Variants in RBFOX1 observed in about 807,000 individuals in gnomAD.
RBFOX1 encodes RNA binding protein fox-1 homolog 1.
In RBFOX1, 8 loss-of-function variants were observed where a neutral mutation model predicts 57.7. The ratio of observed to expected loss-of-function variants is 0.14; its 90% CI spans 0.08 to 0.25. RBFOX1 has a LOEUF of 0.25. Ranked by LOEUF, RBFOX1 falls within the 10% of genes least tolerant of loss-of-function variation. RBFOX1 has a pLI of 1.00. For missense variants in RBFOX1, 611 were observed against 548.5 expected (o/e 1.11, Z -1.14); for synonymous variants, 326 against 222.4 (o/e 1.47, Z -4.15).
chr16:7,405,631 T>C (rs1198118121), intron 4 of RBFOX1, among the ~76,000 whole-genome samples: 1 of 152,130 alleles, frequency 6.6e-6, no homozygotes, highest in Non-Finnish European at 1.5e-5. Context: ...CATTGTTATA[T>C]TGGAGGAATC....
At chr16:7,500,127 G>A (rs946459013) in intron 4 of RBFOX1, among the ~76,000 whole-genome samples, 1 of 152,102 alleles carries the variant, frequency 6.6e-6, no homozygotes, top group Non-Finnish European at 1.5e-5. Flanking sequence ...CTTAGCTACG[G>A]AAGAATAATA....
At chr16:5,437,784 A>C (rs1466661173) in intron 1 of RBFOX1, among the ~76,000 whole-genome samples, 1 of 152,162 alleles carries the variant, frequency 6.6e-6, no homozygotes, top group African/African-American at 2.4e-5. Context: ...TATTTCTTAT[A>C]CTCTGTATTT....
chr16:5,554,521 AT>A (rs113556875), intron 2 of RBFOX1, among the ~76,000 whole-genome samples: 7,431 of 152,216 alleles, frequency 0.049, 199 homozygotes, highest in East Asian at 0.1. Context: ...AAAGCTGACC[AT>A]TTTTACTTAA....
At chr16:7,619,833 G>A (rs915035253) in intron 10 of RBFOX1, among the ~76,000 whole-genome samples, 2 of 152,112 alleles carry the variant, frequency 1.3e-5, no homozygotes, top group Non-Finnish European at 2.9e-5. Flanking sequence ...ACATAAATAA[G>A]TGAAATGTGC....
chr16:6,376,756 C>G (rs1286737488), intron 2 of RBFOX1, among the ~76,000 whole-genome samples: 1 of 152,160 alleles, frequency 6.6e-6, no homozygotes, highest in Non-Finnish European at 1.5e-5. Flanking sequence ...TGTTTTCTTA[C>G]AGTGCTGGAG....
At chr16:5,902,125 C>T (rs1374958887) in intron 4 of RBFOX1, among the ~76,000 whole-genome samples, 2 of 152,074 alleles carry the variant, frequency 1.3e-5, no homozygotes, top group Non-Finnish European at 2.9e-5. Context: ...TGTCAATTAC[C>T]CATTATTGTT....
chr16:6,898,197 C>T (rs377390981), intron 3 of RBFOX1, among the ~76,000 whole-genome samples: 2 of 152,166 alleles, frequency 1.3e-5, no homozygotes, highest in South Asian at 2.1e-4. Flanking sequence ...GCTTACAGTC[C>T]ATTGTGGAGT....
At chr16:6,974,687 G>C (rs1185127553) in intron 3 of RBFOX1, among the ~76,000 whole-genome samples, 2 of 152,018 alleles carry the variant, frequency 1.3e-5, no homozygotes, top group East Asian at 1.9e-4. Flanking sequence ...AGACCATCAG[G>C]AGGGTAGTAA....
At chr16:6,483,768 G>A in intron 2 of RBFOX1, 1 of 1,415,432 alleles carries the variant, frequency 7.1e-7, no homozygotes, top group African/African-American at 1.4e-5. Flanking sequence ...GTCAGCCGCT[G>A]TCCAACGTTA....
intron 3 of RBFOX1, among the ~76,000 whole-genome samples, chr16:6,952,525 C>G (rs535583195): frequency 4.6e-5 from 7 of 152,078 alleles, no homozygotes; most frequent in African/African-American, 1.7e-4. Flanking sequence ...GTAGTCCCAC[C>G]TACCTGGGAG....
At chr16:5,606,374 A>G (rs1322212514) in intron 3 of RBFOX1, among the ~76,000 whole-genome samples, 1 of 152,024 alleles carries the variant, frequency 6.6e-6, no homozygotes, top group African/African-American at 2.4e-5. Context: ...AGTCATCAGA[A>G]AAGCCTTGTT....
At chr16:6,943,540 C>G (rs571758263) in intron 3 of RBFOX1, among the ~76,000 whole-genome samples, 5 of 152,182 alleles carry the variant, frequency 3.3e-5, no homozygotes, top group African/African-American at 1.2e-4. Context: ...AACCCCATCT[C>G]TACTAAAAAT....
intron 2 of RBFOX1, among the ~76,000 whole-genome samples, chr16:6,434,811 T>C (rs1003960691): frequency 6.6e-6 from 1 of 151,868 alleles, no homozygotes; most frequent in Non-Finnish European, 1.5e-5. Flanking sequence ...TTCCAATGTA[T>C]TCTTCTCTTC....
At position 6,416,831 on chromosome 16, in the gene RBFOX1, A is replaced by T. The variant is rs2093637215; in HGVS notation, c.-64+99774A>T. Reference sequence around the variant, plus strand: ...CTGGTAATCACTGACTTAGAAACCAAATGTGCTGTCCTGAATTTTTAAGTA... The same window carrying T: ...CTGGTAATCACTGACTTAGAAACCATATGTGCTGTCCTGAATTTTTAAGTA... On this transcript the variant is annotated intron_variant, in intron 2 of 15. Coordinates refer to ENST00000550418, the MANE Select transcript of RBFOX1 (RefSeq NM_018723.4). Among the ~76,000 whole-genome samples, 2 of 152,138 alleles carry T rather than the reference A, an allele frequency of 1.3e-5. 1 individual carries two copies. Among genetic ancestry groups the T allele is most frequent in the South Asian group, 4.1e-4 (2 of 4,822 alleles).
chr16:6,577,842 A>G (rs565742881), intron 2 of RBFOX1, among the ~76,000 whole-genome samples: 1 of 152,346 alleles, frequency 6.6e-6, no homozygotes, highest in African/African-American at 2.4e-5. Context: ...CCAGATAGTG[A>G]AGCAGGAAGG....
At chr16:7,363,552 C>G (rs2097372086) in intron 4 of RBFOX1, among the ~76,000 whole-genome samples, 2 of 152,072 alleles carry the variant, frequency 1.3e-5, no homozygotes, top group African/African-American at 4.8e-5. Flanking sequence ...GGCAAAGTGC[C>G]TGGCATAAAA....
At chr16:6,634,898 A>G (rs1385188473) in intron 2 of RBFOX1, among the ~76,000 whole-genome samples, 1 of 139,228 alleles carries the variant, frequency 7.2e-6, no homozygotes, top group African/African-American at 2.6e-5. Flanking sequence ...AAAAATACAC[A>G]TGTATATATT....
intron 14 of RBFOX1, among the ~76,000 whole-genome samples, chr16:7,688,055 G>C (rs1343304016): frequency 6.6e-6 from 1 of 152,018 alleles, no homozygotes; most frequent in African/African-American, 2.4e-5. Flanking sequence ...TGGGCAGTCA[G>C]GGCTAAAAAC....
chr16:5,406,183 T>C (rs1350687277), intron 1 of RBFOX1, among the ~76,000 whole-genome samples: 2 of 152,164 alleles, frequency 1.3e-5, no homozygotes, highest in African/African-American at 4.8e-5. Context: ...GGATACATGA[T>C]GCCCAGATAG....
Sources: allele counts gnomAD v4.1 joint callset (sites outside exome capture counted in the v4.1 genomes callset), GRCh38; gene constraint gnomAD v4.1.1; transcripts MANE v1.5; gene names NCBI Gene and HGNC (gene_info 2026-07-23, HGNC 2026-07-21).